Variants in DDX11 observed in about 807,000 individuals in gnomAD.
DDX11 encodes ATP-dependent DNA helicase DDX11.
In DDX11, 72 loss-of-function variants were observed where a neutral mutation model predicts 125.2. That is an observed-to-expected ratio of 0.58 (90% CI 0.48 to 0.70). DDX11 has a LOEUF of 0.70. Ranked by LOEUF, DDX11 falls within the 30% of genes least tolerant of loss-of-function variation. The pLI is 0.00. For synonymous variants in DDX11, 347 were observed against 452.6 expected (o/e 0.77, Z 2.96); for missense variants, 883 against 1,165.0 (o/e 0.76, Z 3.52).
At chr12:31,086,124 T>C (rs1272541818) in intron 5 of DDX11, 1 of 454,248 alleles carries the variant, frequency 2.2e-6, no homozygotes, top group Non-Finnish European at 4.4e-6. Flanking sequence ...CTGTCCTGTC[T>C]GAGGATTTGC....
At chr12:31,095,583 ACTGCCGCCATCC>A (rs1945077470) in intron 14 of DDX11, among the ~76,000 whole-genome samples, 1 of 152,086 alleles carries the variant, frequency 6.6e-6, no homozygotes, top group South Asian at 2.1e-4. Context: ...GGTCACTGTC[ACTGCCGCCATCC>A]CTGCCAGACA....
At chr12:31,096,243 G>T (rs1383040486) in intron 14 of DDX11, 98 bp from the exon 15 acceptor site, 39 of 1,431,700 alleles carry the variant, frequency 2.7e-5, no homozygotes, top group Non-Finnish European at 3.7e-5. Context: ...ACTGCGTTGT[G>T]CTGCCTGGGT....
At chr12:31,092,920 G>A (rs115257878) in intron 11 of DDX11, 28 bp downstream of exon 11, 42,956 of 1,613,704 alleles carry the variant, frequency 0.027, 2,954 homozygotes, top group East Asian at 0.22. Flanking sequence ...GAGGTAGTGG[G>A]ACAGTCCCTT....
intron 9 of DDX11, chr12:31,091,421 C>CG (rs1444117693): frequency 1.7e-5 from 6 of 348,336 alleles, no homozygotes; most frequent in African/African-American, 1.3e-4. Flanking sequence ...TGTGGAAACT[C>CG]GGGGGCCTCC....
rs769857315 is a variant in DDX11 at position 31,089,880 on chromosome 12, C to T, written c.881-6C>T. ...TTTTCTCTCTTTGTGCCTGTGCCACCCTCAGAGAAGAAGAAAGGAGCTGAG... is the reference window on the plus strand; with the variant it reads ...TTTTCTCTCTTTGTGCCTGTGCCACTCTCAGAGAAGAAGAAAGGAGCTGAG... On this transcript the variant is annotated splice_region_variant and splice_polypyrimidine_tract_variant and intron_variant, in intron 8 of 26. Transcript: ENST00000542838. The T allele has an allele frequency of 2.8e-5, 45 of 1,610,416 alleles. No individual in the cohort carries two copies. Among genetic ancestry groups the T allele is most frequent in the Non-Finnish European group, 3.4e-5 (40 of 1,179,378 alleles).
chr12:31,084,152 T>G lies in DDX11; in HGVS notation c.393+91T>G, dbSNP rs1205330720. 1.4e-5 allele frequency: 22 copies of G among 1,537,238 alleles called. No homozygotes were observed. The Admixed American group carries it at 3.5e-4, about 25-fold the overall frequency. ...GCGATTCCGAGACTCAGGCAGTGCATGCTCCCCTGCCGTTGCCGTGCCTCT... is the reference window on the plus strand; with the variant it reads ...GCGATTCCGAGACTCAGGCAGTGCAGGCTCCCCTGCCGTTGCCGTGCCTCT... On this transcript the variant is annotated intron_variant, in intron 3 of 26. Coordinates refer to ENST00000542838, the MANE Select transcript of DDX11 (RefSeq NM_030653.4).
intron 1 of DDX11, among the ~76,000 whole-genome samples, chr12:31,075,659 C>T (rs1355450819): frequency 6.6e-6 from 1 of 152,160 alleles, no homozygotes; most frequent in East Asian, 1.9e-4. Flanking sequence ...GGAAGAGAAA[C>T]CTTCACTTAC....
In DDX11 at chr12:31,097,892, C is replaced by G; in HGVS notation, c.1770C>G (p.Leu590=). ...GRVILSRQGS[L]SQSTLKFLLL... is the part of the protein sequence containing the mutation. The stretch of plus-strand genomic sequence containing the variant: ...ACCGATCTGTTTTTCCAGGCAGCCT[C>G]AGTCAGAGCACCCTGAAGTTTTTGC... The change falls in exon 18 of 27, where the codon CTC becomes CTG. Residue 590 remains leucine, a synonymous_variant. Coordinates refer to ENST00000542838, the MANE Select transcript of DDX11 (RefSeq NM_030653.4). 6.2e-7 allele frequency: 1 copy of G among 1,612,508 alleles called. No homozygotes were observed. The highest frequency in any genetic ancestry group is 1.1e-5 in the South Asian group (1 of 91,006).
chr12:31,088,589 CT>C (rs1402209867), intron 6 of DDX11, among the ~76,000 whole-genome samples: 1 of 104,304 alleles, frequency 9.6e-6, no homozygotes, highest in Non-Finnish European at 1.8e-5. Flanking sequence ...TTTGTATTTT[CT>C]TTTTTTCTCC....
At chr12:31,089,368 C>G (rs1180342721) in intron 7 of DDX11, 35 bp from the exon 8 acceptor site, 1 of 1,608,684 alleles carries the variant, frequency 6.2e-7, no homozygotes, top group East Asian at 2.2e-5. Flanking sequence ...TAGCTGGCAC[C>G]ATCTTTTTGC....
intron 4 of DDX11, 80 bp downstream of exon 4, chr12:31,084,749 G>A (rs753298666): frequency 2.2e-5 from 31 of 1,394,688 alleles, no homozygotes; most frequent in Non-Finnish European, 1.0e-6. Flanking sequence ...CGTGGTCAGG[G>A]CCTTGGTCTC....
intron 3 of DDX11, 27 bp downstream of exon 3, chr12:31,084,088 G>A (rs766626780): frequency 1.9e-6 from 3 of 1,612,506 alleles, no homozygotes; most frequent in African/African-American, 1.3e-5. Flanking sequence ...CCGGAAGTGG[G>A]AGTACTGGAG....
rs1410418776 is a variant in DDX11, at chr12:31,103,410, C to T, written c.2536+15C>T. ...CCAGTCCATAGGTGAGCCTGGCTGC[C>T]TCCAGCTGGGTGGACAGATGGGGGC... is the stretch of plus-strand genomic sequence containing the variant. On this transcript the variant is annotated intron_variant, in intron 25 of 26. Transcript: ENST00000542838. 1 of 1,603,306 alleles carries T rather than the reference C, an allele frequency of 6.2e-7. No individual in the cohort carries two copies. The highest frequency in any genetic ancestry group is 8.5e-7 in the Non-Finnish European group (1 of 1,175,448).
intron 7 of DDX11, 79 bp from the exon 8 acceptor site, chr12:31,089,324 G>A (rs560474014): frequency 6.6e-6 from 10 of 1,522,386 alleles, no homozygotes; most frequent in Admixed American, 1.7e-5. Context: ...GAGAGGTGGC[G>A]GGGCAGGTCC....
intron 18 of DDX11, among the ~76,000 whole-genome samples, chr12:31,099,080 C>CTTTTTGTTTTTTTTTTTTTTTTTTTTT (rs1467965765): frequency 1.2e-5 from 1 of 81,328 alleles, no homozygotes; most frequent in Admixed American, 1.5e-4. Flanking sequence ...TTCTTTCTTT[C>CTTTTTGTTTTTTTTTTTTTTTTTTTTT]TTTCTTTTTT....
At position 31,101,870 on chromosome 12, in the gene DDX11, G is replaced by A. The variant is rs769112903; in HGVS notation, c.2090G>A (p.Gly697Asp). 3.7e-6 allele frequency: 6 copies of A among 1,613,846 alleles called. No individual in the cohort carries two copies. The African/African-American group carries it at 8.0e-5, about 22-fold the overall frequency. The change falls in exon 21 of 27, where the codon GGT becomes GAT. Residue 697 changes from glycine (G) to aspartate (D), a missense_variant. Transcript: ENST00000542838. The stretch of plus-strand genomic sequence containing the variant: ...GGTCGCATTCTCTGTAACCTGTGCG[G>A]TGTGGTTCCTGGAGGGGTGGTCTGT... ...EVGRILCNLC[G>D]VVPGGVVCFF...
intron 5 of DDX11, among the ~76,000 whole-genome samples, chr12:31,087,100 AG>A (rs1232363793): frequency 6.7e-6 from 1 of 150,130 alleles, no homozygotes; most frequent in Admixed American, 6.7e-5. Flanking sequence ...GAGCTAGCTC[AG>A]CTTCAGGCCA....
In DDX11 at chr12:31,078,441, C is replaced by T. The variant is rs376585013; in HGVS notation, c.48C>T (p.Pro16=). 2.0e-4 allele frequency: 318 copies of T among 1,610,320 alleles called. 1 individual carries two copies. The highest frequency in any genetic ancestry group is 2.6e-4 in the Non-Finnish European group (309 of 1,178,520). The change falls in exon 2 of 27, where the codon CCC becomes CCT. Residue 16 remains proline, a synonymous_variant. Transcript: ENST00000542838. ...QKVGAIHFPF[P]FTPYSIQEDF... ...TTGGTGCCATCCATTTTCCTTTTCC[C>T]TTCACACCCTATTCCATCCAGGAAG...
intron 2 of DDX11, among the ~76,000 whole-genome samples, chr12:31,083,335 A>AAC: frequency 6.6e-6 from 1 of 151,200 alleles, no homozygotes; most frequent in African/African-American, 2.4e-5. Context: ...ACAAAACAAA[A>AAC]CACAAACCGT....
Sources: allele counts gnomAD v4.1 joint callset (sites outside exome capture counted in the v4.1 genomes callset), GRCh38; gene constraint gnomAD v4.1.1; transcripts MANE v1.5; gene names NCBI Gene and HGNC (gene_info 2026-07-23, HGNC 2026-07-21).